CPAMD8: variants seen among roughly 807,000 people sequenced by gnomAD.
CPAMD8 encodes the protein C3 and PZP-like alpha-2-macroglobulin domain-containing protein 8.
In CPAMD8, 146 loss-of-function variants were observed where a neutral mutation model predicts 224.7. The observed-to-expected ratio is 0.65, with a 90% confidence interval of 0.57 to 0.75. CPAMD8 has a LOEUF of 0.75. CPAMD8 is among the 30% of genes least tolerant of loss of function. The probability of loss-of-function intolerance (pLI) is 0.00; values close to 1 mark genes in which losing one functional copy is unlikely to be tolerated. For synonymous variants in CPAMD8, 966 were observed against 1,044.6 expected (o/e 0.92, Z 1.45); for missense variants, 2,301 against 2,537.5 (o/e 0.91, Z 2.00).
intron 20 of CPAMD8, among the ~76,000 whole-genome samples, chr19:16,948,549 C>G (rs2054180153): frequency 6.6e-6 from 1 of 151,812 alleles, no homozygotes; most frequent in Non-Finnish European, 1.5e-5. Context: ...GAGTTTGACA[C>G]CAGCTTGGCC....
At chr19:16,925,458 G>T (rs936367622) in intron 25 of CPAMD8, 86 bp from the exon 26 acceptor site, 3 of 1,118,880 alleles carry the variant, frequency 2.7e-6, no homozygotes, top group African/African-American at 3.1e-5. Context: ...ATGGGAGACA[G>T]TGAGTGTCAT....
intron 30 of CPAMD8, among the ~76,000 whole-genome samples, chr19:16,906,011 TG>T (rs1239207964): frequency 6.6e-6 from 1 of 152,072 alleles, no homozygotes; most frequent in Non-Finnish European, 1.5e-5. Flanking sequence ...ACCCCTGTCC[TG>T]GGATGATTTC....
chr19:16,934,211 T>C (rs2053623728), intron 23 of CPAMD8, among the ~76,000 whole-genome samples: 2 of 152,166 alleles, frequency 1.3e-5, no homozygotes, highest in Non-Finnish European at 2.9e-5. Flanking sequence ...GCATGACTCT[T>C]GGGAGGTGAA....
intron 10 of CPAMD8, chr19:17,000,107 C>T (rs902714232): frequency 3.5e-6 from 1 of 282,642 alleles, no homozygotes; most frequent in South Asian, 1.4e-4. Context: ...TTTCTAAAGT[C>T]TCTATATTCA....
rs527752380 is a variant in CPAMD8 at position 17,002,192 on chromosome 19, CT to C, written c.758+73del. ...GGAGGCAGCAGAGGAGGGGAACGAC[CT>C]TGAGGGAGCAGCGTGATGGTTGGGG... is the stretch of plus-strand genomic sequence containing the variant. On this transcript the variant is annotated intron_variant, in intron 9 of 41. Coordinates refer to ENST00000443236, the MANE Select transcript of CPAMD8 (RefSeq NM_015692.5). The C allele has an allele frequency of 7.2e-5, 74 of 1,027,740 alleles. No homozygotes were observed. In the South Asian group the frequency reaches 9.5e-4, roughly 13 times the overall value. 63.7% of individuals were successfully genotyped at this position (1,027,740 alleles called of 1,614,324 possible). A position where few individuals can be genotyped will look rare whatever the true frequency, so the allele number is the denominator to read the frequency against.
intron 22 of CPAMD8, 77 bp downstream of exon 22, chr19:16,945,472 C>T (rs1157405066): frequency 6.4e-7 from 1 of 1,559,276 alleles, no homozygotes; most frequent in African/African-American, 1.4e-5. Context: ...TCAGACCACA[C>T]ACTCCAGCTG....
intron 13 of CPAMD8, among the ~76,000 whole-genome samples, chr19:16,986,017 G>T (rs543308017): frequency 6.6e-6 from 1 of 151,840 alleles, no homozygotes; most frequent in Non-Finnish European, 1.5e-5. Flanking sequence ...TTGAGATCTT[G>T]GGGGGAAAAG....
At chr19:16,902,569 C>A (rs1042849392) in intron 35 of CPAMD8, 80 bp downstream of exon 35, 59 of 835,978 alleles carry the variant, frequency 7.1e-5, no homozygotes, top group Middle Eastern at 7.0e-4. Context: ...GCCGGAAGCT[C>A]CTCCTGGTCC....
At chr19:17,025,462 C>T (rs1032528778) in intron 1 of CPAMD8, among the ~76,000 whole-genome samples, 12 of 152,042 alleles carry the variant, frequency 7.9e-5, no homozygotes, top group African/African-American at 2.9e-4. Flanking sequence ...CAAACAAAAA[C>T]CTCTGTATAA....
rs530367711 is a variant in CPAMD8, at chr19:16,921,917, G to A, written c.3617C>T (p.Ser1206Leu). ...SYSAFGERDA[S>L]GSMWLTAFVL... Reference sequence around the variant, plus strand: ...GGTGGGGACTCACCACATGCTCCCCGATGCGTCCCGCTCCCCAAACGCGCT... The same window carrying A: ...GGTGGGGACTCACCACATGCTCCCCAATGCGTCCCGCTCCCCAAACGCGCT... The change falls in exon 27 of 42, where the codon TCG (serine) becomes TTG (leucine). Residue 1206 changes from serine to leucine, a missense_variant. This residue lies in a region of CPAMD8 where 1,709 missense variants were observed against 1,753.2 expected (regional missense o/e 0.97). Transcript: ENST00000443236. 3.6e-5 allele frequency: 55 copies of A among 1,544,632 alleles called. No homozygotes were observed. Among genetic ancestry groups the A allele is most frequent in the South Asian group, 3.0e-4 (25 of 84,044 alleles).
At chr19:16,963,549 C>T (rs2054723509) in intron 18 of CPAMD8, among the ~76,000 whole-genome samples, 3 of 152,144 alleles carry the variant, frequency 2.0e-5, no homozygotes, top group South Asian at 4.1e-4. Context: ...AAAGCAAGTC[C>T]TTAGAGACCT....
intron 16 of CPAMD8, 52 bp from the exon 17 acceptor site, chr19:16,975,310 C>G (rs1196329530): frequency 6.7e-7 from 1 of 1,490,190 alleles, no homozygotes; most frequent in East Asian, 2.4e-5. Flanking sequence ...CTTTACAACC[C>G]AAACTGGCTC....
intron 13 of CPAMD8, among the ~76,000 whole-genome samples, chr19:16,988,754 C>T (rs2055835076): frequency 6.6e-6 from 1 of 152,168 alleles, no homozygotes; most frequent in Non-Finnish European, 1.5e-5. Flanking sequence ...GTCCCCAACC[C>T]CCAGGGCCAT....
At position 16,903,738 on chromosome 19, in the gene CPAMD8, C is replaced by T. The variant is rs766972326; in HGVS notation, c.4371G>A (p.Leu1457=). 1 of 1,614,188 alleles carries T rather than the reference C, an allele frequency of 6.2e-7. No homozygotes were observed. The highest frequency in any genetic ancestry group is 8.5e-7 in the Non-Finnish European group (1 of 1,180,028). The change falls in exon 33 of 42, where the codon CTG becomes CTA. Residue 1457 remains leucine (L), a synonymous_variant. Transcript: ENST00000443236. ...GCAGAACCTTCTGGTTGGTCCTGTG[C>T]AGCTCGAAGGTTTCCTGGTAGTCCA... ...TNLDYQETFE[L]HRTNQKVLQT... is the part of the protein sequence containing the mutation.
At chr19:16,893,373 A>C in intron 41 of CPAMD8, 34 bp from the exon 42 acceptor site, 1 of 1,408,008 alleles carries the variant, frequency 7.1e-7, no homozygotes. Flanking sequence ...AACATCCTCT[A>C]CAGCAAGTGG....
intron 27 of CPAMD8, 71 bp downstream of exon 27, chr19:16,921,834 T>C (rs1173137798): frequency 3.1e-6 from 3 of 967,568 alleles, no homozygotes; most frequent in African/African-American, 1.6e-5. Flanking sequence ...CTGGTCACAC[T>C]GCATTGGATG....
intron 27 of CPAMD8, among the ~76,000 whole-genome samples, chr19:16,919,202 C>T (rs544592793): frequency 9.1e-6 from 1 of 110,412 alleles, no homozygotes; most frequent in South Asian, 3.0e-4. Flanking sequence ...GACCCCATCT[C>T]AAAAAAAGAA....
At chr19:16,986,697 C>T (rs148477721) in intron 13 of CPAMD8, among the ~76,000 whole-genome samples, 93 of 152,114 alleles carry the variant, frequency 6.1e-4, no homozygotes, top group African/African-American at 2.1e-3. Context: ...GGGCCCTGGG[C>T]GCTGTGATGG....
chr19:16,960,453 TA>T (rs79746442), intron 18 of CPAMD8, among the ~76,000 whole-genome samples: 262 of 144,322 alleles, frequency 1.8e-3, no homozygotes, highest in African/African-American at 2.8e-3. Context: ...TATATATTTG[TA>T]AAAAAAAAAA....
Sources: allele counts gnomAD v4.1 joint callset (sites outside exome capture counted in the v4.1 genomes callset), GRCh38; gene constraint gnomAD v4.1.1; regional missense constraint gnomAD v4.1.1; transcripts MANE v1.5; gene names NCBI Gene and HGNC (gene_info 2026-07-23, HGNC 2026-07-21).